The following JAK2 variants were observed in gnomAD, a reference collection of about 807,000 sequenced individuals.
JAK2 encodes the protein Janus kinase 2.
In JAK2, 86 loss-of-function variants were observed where a neutral mutation model predicts 139.3. The ratio of observed to expected loss-of-function variants is 0.62; its 90% CI spans 0.52 to 0.74. The LOEUF (loss-of-function observed/expected upper bound fraction) is 0.74, where lower values mean the gene tolerates loss of function less well. Among genes scored for constraint, JAK2 ranks in the 30% least tolerant of loss-of-function variants. The pLI is 0.00. For synonymous variants in JAK2, 490 were observed against 437.7 expected (o/e 1.12, Z -1.49); for missense variants, 1,421 against 1,360.3 (o/e 1.04, Z -0.70).
chr9:5,080,821 C>G (rs1317680565), intron 18 of JAK2, 138 bp downstream of exon 18: 2 of 502,804 alleles, frequency 4.0e-6, no homozygotes, highest in East Asian at 3.3e-5. Flanking sequence ...GTTCATATGG[C>G]TTTTCATGCT....
chr9:5,119,457 G>A (rs1318881035), intron 22 of JAK2, among the ~76,000 whole-genome samples: 1 of 151,866 alleles, frequency 6.6e-6, no homozygotes, highest in Non-Finnish European at 1.5e-5. Flanking sequence ...AATTATATAA[G>A]CTTTGGGACC....
intron 2 of JAK2, among the ~76,000 whole-genome samples, chr9:4,990,969 G>A (rs910385221): frequency 2.0e-5 from 3 of 152,130 alleles, no homozygotes; most frequent in Non-Finnish European, 4.4e-5. Context: ...CGTCTGTATC[G>A]TCTTATATAT....
chr9:5,089,537 C>CA lies in JAK2; in HGVS notation c.2572-109dup, dbSNP rs58042774. 602 of 87,048 alleles carry CA rather than the reference C, an allele frequency of 6.9e-3. 63 individuals are homozygous for CA. Among genetic ancestry groups the CA allele is most frequent in the South Asian group, 0.015 (27 of 1,754 alleles). 5.4% of individuals were successfully genotyped at this position (87,048 alleles called of 1,614,324 possible). ...TGGGTGACAGAGCGAGACTTCGTCT[C>CA]AAAAAAAAAAAAAAAAAAAAAAAAA... On this transcript the variant is annotated intron_variant, in intron 19 of 24. Transcript: ENST00000381652.
intron 22 of JAK2, among the ~76,000 whole-genome samples, chr9:5,113,057 C>A (rs926170128): frequency 6.6e-6 from 1 of 152,076 alleles, no homozygotes; most frequent in South Asian, 2.1e-4. Flanking sequence ...GGTCCAGGAG[C>A]TCCCTGGGAC....
intron 22 of JAK2, chr9:5,109,973 A>G (rs1822310027): frequency 6.6e-6 from 1 of 152,176 alleles, no homozygotes; most frequent in South Asian, 2.1e-4. Flanking sequence ...CAGCCCTCCA[A>G]GCAGTCCTGC....
intron 6 of JAK2, 63 bp downstream of exon 6, chr9:5,050,894 T>C (rs916171915): frequency 6.4e-6 from 9 of 1,410,854 alleles, no homozygotes; most frequent in South Asian, 6.0e-5. Flanking sequence ...AATTCGTATA[T>C]ATTTTCTGTG....
intron 5 of JAK2, among the ~76,000 whole-genome samples, chr9:5,048,269 G>GT (rs1412560041): frequency 6.6e-6 from 1 of 151,938 alleles, no homozygotes; most frequent in African/African-American, 2.4e-5. Context: ...AGCCTCCCTA[G>GT]TAGCTGGGAT....
In JAK2 at chr9:5,029,770, GCTT is replaced by G; in HGVS notation, c.227-9_227-7del. 1 of 1,597,536 alleles carries G rather than the reference GCTT, an allele frequency of 6.3e-7. No individual in the cohort carries two copies. The highest frequency in any genetic ancestry group is 8.5e-7 in the Non-Finnish European group (1 of 1,172,428). On this transcript the variant is annotated splice_polypyrimidine_tract_variant and intron_variant, in intron 3 of 24. Coordinates refer to ENST00000381652, the MANE Select transcript of JAK2 (RefSeq NM_004972.4). ...TGTACCTTTAATAATTCCTTTCTCT[GCTT>G]CTTTTCTAGGTATCACACCTGTGTA...
Position 5,069,203 on chromosome 9 carries a change from CA to C in JAK2, c.1512del (p.Asp505IlefsTer6). ...TTTACTAAATGCTGTCCCCCAAAGCCAAAAGGTAAGATAATTTTCTAGTTAT... is the reference window on the plus strand; with the variant it reads ...TTTACTAAATGCTGTCCCCCAAAGCCAAAGGTAAGATAATTTTCTAGTTAT... Reference protein sequence around the residue: ...FQFTKCCPPKPKDKSNLLVFR... With the variant: ...FQFTKCCPPKXKDKSNLLVFR... On this transcript the variant is annotated frameshift_variant, in exon 11 of 25. Coordinates refer to ENST00000381652, the MANE Select transcript of JAK2 (RefSeq NM_004972.4). LOFTEE classifies it high-confidence loss of function. The C allele has an allele frequency of 6.3e-7, 1 of 1,595,404 alleles. No individual in the cohort carries two copies. The highest frequency in any genetic ancestry group is 8.5e-7 in the Non-Finnish European group (1 of 1,171,516).
At position 5,127,936 on chromosome 9, in the gene JAK2, G is replaced by GA. The variant is rs979576773; in HGVS notation, c.*1149dup. 8.6e-6 allele frequency: 2 copies of GA among 232,346 alleles called. No homozygotes were observed. The highest frequency in any genetic ancestry group is 1.7e-5 in the Non-Finnish European group (2 of 117,396). 14.4% of individuals were successfully genotyped at this position (232,346 alleles called of 1,614,324 possible). Reference sequence around the variant, plus strand: ...TTAATTTTATTCAAGAATGCCAGTAGAAAATTCATAACGTGTATCTTTAAG... The same window carrying GA: ...TTAATTTTATTCAAGAATGCCAGTAGAAAAATTCATAACGTGTATCTTTAAG... On this transcript the variant is annotated 3_prime_UTR_variant, in exon 25 of 25. Coordinates refer to ENST00000381652, the MANE Select transcript of JAK2 (RefSeq NM_004972.4).
intron 22 of JAK2, among the ~76,000 whole-genome samples, chr9:5,105,755 A>C (rs1331956636): frequency 6.6e-6 from 1 of 152,130 alleles, no homozygotes. Flanking sequence ...CAGAAATAAC[A>C]CCACACATCT....
At chr9:5,042,029 G>T (rs556852611) in intron 4 of JAK2, 13 of 314,582 alleles carry the variant, frequency 4.1e-5, no homozygotes, top group Middle Eastern at 4.0e-4. Context: ...GCCAGACGCT[G>T]GCTGGAAGCC....
chr9:5,043,166 T>A (rs937367115), intron 4 of JAK2, among the ~76,000 whole-genome samples: 4 of 152,190 alleles, frequency 2.6e-5, no homozygotes, highest in African/African-American at 9.7e-5. Flanking sequence ...CGGGCGGCCC[T>A]GGACTGGCTG....
At chr9:5,097,556 C>G (rs1230313254) in intron 22 of JAK2, 1 of 152,032 alleles carries the variant, frequency 6.6e-6, no homozygotes, top group Admixed American at 6.5e-5. Flanking sequence ...GACATAGACA[C>G]AGACACATGA....
Position 5,090,486 on chromosome 9 carries a change from T to C in JAK2, c.2802T>C (p.Tyr934=). Residue 934 remains tyrosine (Y), a synonymous_variant, in exon 21 of 25, where the codon TAT becomes TAC. Coordinates refer to ENST00000381652, the MANE Select transcript of JAK2 (RefSeq NM_004972.4). Reference sequence around the variant, plus strand: ...AATTAATTATGGAATATTTACCATATGGAAGTTTACGAGACTATCTTCAAA... The same window carrying C: ...AATTAATTATGGAATATTTACCATACGGAAGTTTACGAGACTATCTTCAAA... The part of the protein sequence containing the change: ...NLKLIMEYLP[Y]GSLRDYLQKH... 6.3e-7 allele frequency: 1 copy of C among 1,587,048 alleles called. No homozygotes were observed. Among genetic ancestry groups the C allele is most frequent in the Non-Finnish European group, 8.6e-7 (1 of 1,167,084 alleles).
chr9:5,099,607 G>A (rs943030866), intron 22 of JAK2: 1 of 152,024 alleles, frequency 6.6e-6, no homozygotes, highest in Non-Finnish European at 1.5e-5. Flanking sequence ...ACAATTCTAG[G>A]CCTACCAGCA....
rs1824109013 is a variant in JAK2, at chr9:5,128,000, T to G, written c.*1209T>G. 4.3e-6 allele frequency: 1 copy of G among 232,202 alleles called. No homozygotes were observed. The highest frequency in any genetic ancestry group is 2.2e-5 in the African/African-American group (1 of 45,240). 14.4% of individuals were successfully genotyped at this position (232,202 alleles called of 1,614,324 possible). Reference sequence around the variant, plus strand: ...CATCTTAAATCTTTTCAATTAAGTATAAGGGGTTGTTCGTTGTTGTCATTT... The same window carrying G: ...CATCTTAAATCTTTTCAATTAAGTAGAAGGGGTTGTTCGTTGTTGTCATTT... On this transcript the variant is annotated 3_prime_UTR_variant, in exon 25 of 25. Coordinates refer to ENST00000381652, the MANE Select transcript of JAK2 (RefSeq NM_004972.4).
intron 4 of JAK2, chr9:5,041,226 CG>C: frequency 6.1e-6 from 9 of 1,468,622 alleles, no homozygotes; most frequent in Non-Finnish European, 7.5e-6. Context: ...GTGGGGCGCC[CG>C]GGGACCAAGC....
At chr9:5,033,483 C>T (rs377623696) in intron 4 of JAK2, among the ~76,000 whole-genome samples, 5 of 152,080 alleles carry the variant, frequency 3.3e-5, no homozygotes, top group African/African-American at 1.2e-4. Context: ...TTAAGGGCAG[C>T]CAGAGAGAAA....
Sources: allele counts gnomAD v4.1 joint callset (sites outside exome capture counted in the v4.1 genomes callset), GRCh38; gene constraint gnomAD v4.1.1; transcripts MANE v1.5; gene names NCBI Gene and HGNC (gene_info 2026-07-23, HGNC 2026-07-21).